Variants in ARHGAP26 observed in about 807,000 individuals in gnomAD.
ARHGAP26 encodes Rho GTPase activating protein 26, also known as rho GTPase-activating protein 26.
ARHGAP26 carries 38 observed loss-of-function variants against 104.8 expected under a neutral mutation model. The ratio of observed to expected loss-of-function variants is 0.36; its 90% CI spans 0.28 to 0.48. The LOEUF is 0.48. Among genes scored for constraint, ARHGAP26 ranks in the 20% least tolerant of loss-of-function variants. The pLI is 0.99. For missense variants in ARHGAP26, 704 were observed against 947.9 expected, an observed-to-expected ratio of 0.74 and a Z score of 3.38; for synonymous variants, 341 against 340.0, an observed-to-expected ratio of 1.00 and a Z score of -0.03.
chr5:143,149,388 C>A (rs760331260), intron 20 of ARHGAP26, among the ~76,000 whole-genome samples: 2 of 152,098 alleles, frequency 1.3e-5, no homozygotes, highest in Non-Finnish European at 2.9e-5. Context: ...AGCCCTGATA[C>A]CAGCGTCTGC....
intron 12 of ARHGAP26, among the ~76,000 whole-genome samples, chr5:143,024,871 A>G (rs1780827367): frequency 6.6e-6 from 1 of 152,202 alleles, no homozygotes; most frequent in African/African-American, 2.4e-5. Flanking sequence ...GGAGTATTCC[A>G]CACGTGGTTT....
intron 11 of ARHGAP26, among the ~76,000 whole-genome samples, chr5:142,953,747 G>T (rs1768762830): frequency 6.6e-6 from 1 of 152,180 alleles, no homozygotes; most frequent in Non-Finnish European, 1.5e-5. Context: ...CCAACCAAAA[G>T]AATTTTACCG....
intron 1 of ARHGAP26, among the ~76,000 whole-genome samples, chr5:142,793,839 C>T (rs904470581): frequency 1.1e-4 from 16 of 152,082 alleles, no homozygotes; most frequent in African/African-American, 3.4e-4. Flanking sequence ...CTGCCTGCTT[C>T]GACCTCTCAG....
chr5:142,800,669 C>G (rs1368124072), intron 1 of ARHGAP26, among the ~76,000 whole-genome samples: 2 of 152,144 alleles, frequency 1.3e-5, no homozygotes, highest in African/African-American at 4.8e-5. Flanking sequence ...GCCTCAAGGT[C>G]TTTTATCTAA....
intron 17 of ARHGAP26, among the ~76,000 whole-genome samples, chr5:143,088,270 G>A (rs942259439): frequency 3.3e-5 from 5 of 152,174 alleles, no homozygotes; most frequent in Admixed American, 6.5e-5. Flanking sequence ...AGCCCTATGT[G>A]TGCAGTGACC....
At chr5:142,821,039 G>A (rs1022266854) in intron 1 of ARHGAP26, among the ~76,000 whole-genome samples, 2 of 152,190 alleles carry the variant, frequency 1.3e-5, no homozygotes, top group African/African-American at 4.8e-5. Flanking sequence ...CAGGAATGAG[G>A]ACTCCTTGAG....
At chr5:142,869,246 G>A (rs574230970) in intron 1 of ARHGAP26, among the ~76,000 whole-genome samples, 122 of 138,918 alleles carry the variant, frequency 8.8e-4, no homozygotes, top group African/African-American at 3.3e-3. Context: ...TCACACTGTC[G>A]CCTAGGCTGG....
intron 12 of ARHGAP26, among the ~76,000 whole-genome samples, chr5:143,017,755 G>A (rs1779788089): frequency 6.6e-6 from 1 of 152,076 alleles, no homozygotes; most frequent in Non-Finnish European, 1.5e-5. Flanking sequence ...CTTTGTATCT[G>A]TTTTTGTAGA....
intron 10 of ARHGAP26, among the ~76,000 whole-genome samples, chr5:142,926,043 A>C (rs1170583301): frequency 6.6e-6 from 1 of 152,194 alleles, no homozygotes; most frequent in Non-Finnish European, 1.5e-5. Context: ...AGATTAGCGT[A>C]GGAAAGCTGT....
chr5:142,953,159 C>T (rs1454979867), intron 11 of ARHGAP26, among the ~76,000 whole-genome samples: 1 of 152,222 alleles, frequency 6.6e-6, no homozygotes, highest in Non-Finnish European at 1.5e-5. Context: ...ATTGTCCTCA[C>T]TGGATTCCCA....
chr5:143,057,191 T>A (rs757411880), intron 16 of ARHGAP26, among the ~76,000 whole-genome samples: 17 of 152,364 alleles, frequency 1.1e-4, no homozygotes, highest in Non-Finnish European at 1.8e-4. Context: ...ACATTTCCTT[T>A]GATATCTTTG....
intron 11 of ARHGAP26, among the ~76,000 whole-genome samples, chr5:142,972,306 C>T (rs568238603): frequency 6.6e-6 from 1 of 152,254 alleles, no homozygotes; most frequent in East Asian, 1.9e-4. Context: ...ATTCCCTTGC[C>T]AGGCCATTTA....
chr5:142,968,783 T>C (rs1349137044), intron 11 of ARHGAP26, among the ~76,000 whole-genome samples: 1 of 152,254 alleles, frequency 6.6e-6, no homozygotes, highest in Non-Finnish European at 1.5e-5. Flanking sequence ...TAGGTGTATA[T>C]CACTGGAGCT....
At chr5:142,814,355 G>T (rs1597739695) in intron 1 of ARHGAP26, among the ~76,000 whole-genome samples, 1 of 152,206 alleles carries the variant, frequency 6.6e-6, no homozygotes, top group African/African-American at 2.4e-5. Context: ...ACTTTGGCTG[G>T]GATGTAGCCT....
intron 1 of ARHGAP26, among the ~76,000 whole-genome samples, chr5:142,862,225 A>T (rs1478115764): frequency 6.6e-6 from 1 of 152,156 alleles, no homozygotes; most frequent in Non-Finnish European, 1.5e-5. Flanking sequence ...TTCAGGGCAA[A>T]TGTGATTGCA....
rs76272712 is a variant in ARHGAP26 at position 143,220,929 on chromosome 5, G to A, written c.2192-1429G>A. Among the ~76,000 whole-genome samples, 25 of 152,262 alleles carry A rather than the reference G, an allele frequency of 1.6e-4. No individual in the cohort carries two copies. The East Asian group carries it at 3.7e-3, about 22-fold the overall frequency. ...GAAACTAGAATTCTGTAGCAGTGTC[G>A]GAGCGGAAATGCTTTTCTAAAACAA... is the stretch of plus-strand genomic sequence containing the variant. On this transcript the variant is annotated intron_variant, in intron 22 of 22. Transcript: ENST00000645722.
chr5:143,204,778 G>C (rs1359643449), intron 20 of ARHGAP26, among the ~76,000 whole-genome samples: 1 of 152,016 alleles, frequency 6.6e-6, no homozygotes, highest in Non-Finnish European at 1.5e-5. Context: ...ATAGGAAGCT[G>C]GAGGTGTTTC....
chr5:142,842,808 T>G (rs1206619374), intron 1 of ARHGAP26, among the ~76,000 whole-genome samples: 2 of 152,204 alleles, frequency 1.3e-5, no homozygotes, highest in Non-Finnish European at 2.9e-5. Flanking sequence ...GCTTAGAACG[T>G]AATTGTTTAA....
At chr5:142,884,846 A>G (rs1334613496) in intron 4 of ARHGAP26, among the ~76,000 whole-genome samples, 1 of 152,194 alleles carries the variant, frequency 6.6e-6, no homozygotes, top group African/African-American at 2.4e-5. Context: ...TTTTTGGGAC[A>G]GTATTAAGGC....
Sources: gnomAD v4.1 joint callset for allele counts (sites outside exome capture counted in the v4.1 genomes callset) on GRCh38, gnomAD v4.1.1 for gene constraint, MANE v1.5 for transcripts, NCBI Gene and HGNC (gene_info 2026-07-23, HGNC 2026-07-21) for gene names.